Variants in SLC10A7 observed in about 807,000 individuals in gnomAD.
The protein encoded by SLC10A7 is sodium/bile acid cotransporter 7.
Under a neutral mutation model 43.2 loss-of-function variants are expected in SLC10A7, and 29 were observed. That is an observed-to-expected ratio of 0.67 (90% CI 0.50 to 0.92). The LOEUF is 0.92. Ranked by LOEUF, SLC10A7 falls within the 40% of genes least tolerant of loss-of-function variation. SLC10A7 has a pLI of 0.00. For missense variants in SLC10A7, 295 were observed against 403.2 expected, an observed-to-expected ratio of 0.73 and a Z score of 2.30; for synonymous variants, 152 against 144.8, an observed-to-expected ratio of 1.05 and a Z score of -0.35.
chr4:146,275,051 A>C (rs1389664880), intron 10 of SLC10A7, among the ~76,000 whole-genome samples: 1 of 152,184 alleles, frequency 6.6e-6, no homozygotes, highest in East Asian at 1.9e-4. Context: ...GTGACTCTAG[A>C]TGGCAATAAT....
chr4:146,456,549 TA>T (rs1732068541), intron 4 of SLC10A7, among the ~76,000 whole-genome samples: 1 of 151,904 alleles, frequency 6.6e-6, no homozygotes, highest in Admixed American at 6.6e-5. Context: ...TTCACTAGAA[TA>T]ACTCACAGAA....
In SLC10A7 at chr4:146,283,273, CA is replaced by C. The variant is rs763863216; in HGVS notation, c.774-9del. On this transcript the variant is annotated splice_polypyrimidine_tract_variant and intron_variant, in intron 9 of 11. Coordinates refer to ENST00000335472, the MANE Select transcript of SLC10A7 (RefSeq NM_001029998.6). ...GTGAAACCCGAATTATTCCTAGGGG[CA>C]AAAAAAGATTTTGACAAATACTTTT... The C allele has an allele frequency of 6.2e-7, 1 of 1,610,836 alleles. No individual in the cohort carries two copies. Among genetic ancestry groups the C allele is most frequent in the Admixed American group, 1.7e-5 (1 of 59,720 alleles).
chr4:146,274,370 G>A (rs1033800752), intron 10 of SLC10A7, among the ~76,000 whole-genome samples: 1 of 151,688 alleles, frequency 6.6e-6, no homozygotes, highest in Non-Finnish European at 1.5e-5. Context: ...CGCCTGGCTA[G>A]TTTTTGTATT....
At chr4:146,447,873 T>G (rs1731243155) in intron 4 of SLC10A7, among the ~76,000 whole-genome samples, 1 of 151,978 alleles carries the variant, frequency 6.6e-6, no homozygotes. Flanking sequence ...AATAATGAAT[T>G]AATTTCATCA....
At position 146,487,336 on chromosome 4, in the gene SLC10A7, C is replaced by A. The variant is rs184482276; in HGVS notation, c.396+16513G>T. On this transcript the variant is annotated intron_variant, in intron 4 of 11. Coordinates refer to ENST00000335472, the MANE Select transcript of SLC10A7 (RefSeq NM_001029998.6). The stretch of plus-strand genomic sequence containing the variant: ...GTTTATGTTTCTGCCAATTTCCCCC[C>A]AGTTCATTACCAACCTCTGTGAAAA... Among the ~76,000 whole-genome samples the A allele has an allele frequency of 1.4e-4, 22 of 152,332 alleles. No homozygotes were observed. In the East Asian group the frequency reaches 3.9e-3, roughly 27 times the overall value.
intron 5 of SLC10A7, among the ~76,000 whole-genome samples, chr4:146,439,917 T>C (rs1298437900): frequency 6.6e-6 from 1 of 152,178 alleles, no homozygotes; most frequent in African/African-American, 2.4e-5. Flanking sequence ...ATATAAAGTT[T>C]ACAATTTGGA....
At chr4:146,314,646 T>C (rs892576656) in intron 6 of SLC10A7, among the ~76,000 whole-genome samples, 2 of 152,124 alleles carry the variant, frequency 1.3e-5, no homozygotes, top group East Asian at 3.9e-4. Flanking sequence ...ACCATCCCCA[T>C]ATATGAAGAT....
intron 5 of SLC10A7, among the ~76,000 whole-genome samples, chr4:146,389,125 G>A (rs1331870063): frequency 6.6e-6 from 1 of 152,122 alleles, no homozygotes; most frequent in East Asian, 1.9e-4. Flanking sequence ...CTAAACAATG[G>A]ACACAGAGTG....
intron 10 of SLC10A7, among the ~76,000 whole-genome samples, chr4:146,275,997 A>G (rs1729181653): frequency 6.6e-6 from 1 of 152,114 alleles, no homozygotes; most frequent in Non-Finnish European, 1.5e-5. Flanking sequence ...TCCCAACAGT[A>G]GCTGGACACA....
intron 10 of SLC10A7, among the ~76,000 whole-genome samples, chr4:146,266,324 C>A (rs1311732723): frequency 1.3e-5 from 2 of 152,058 alleles, no homozygotes; most frequent in Non-Finnish European, 2.9e-5. Context: ...ACAGTGCAAT[C>A]CAGGAGGGAA....
chr4:146,441,888 T>C, intron 5 of SLC10A7: 2 of 982,962 alleles, frequency 2.0e-6, no homozygotes, highest in Non-Finnish European at 2.4e-6. Flanking sequence ...TTTAAATACA[T>C]ACAATAATAA....
At chr4:146,353,123 A>G (rs1219712867) in intron 5 of SLC10A7, among the ~76,000 whole-genome samples, 1 of 146,940 alleles carries the variant, frequency 6.8e-6, no homozygotes, top group Non-Finnish European at 1.5e-5. Flanking sequence ...GGATCAACAA[A>G]ATTGATAGAC....
At chr4:146,267,847 C>A (rs937744423) in intron 10 of SLC10A7, among the ~76,000 whole-genome samples, 1 of 152,106 alleles carries the variant, frequency 6.6e-6, no homozygotes, top group Non-Finnish European at 1.5e-5. Context: ...TTCCAAATTG[C>A]TAAATAGAAA....
At chr4:146,308,532 T>C (rs1258001946) in intron 6 of SLC10A7, among the ~76,000 whole-genome samples, 1 of 152,092 alleles carries the variant, frequency 6.6e-6, no homozygotes, top group Admixed American at 6.6e-5. Context: ...AATAAGCTGC[T>C]TGGGATATTT....
At chr4:146,439,469 A>T (rs1443928851) in intron 5 of SLC10A7, among the ~76,000 whole-genome samples, 5 of 152,170 alleles carry the variant, frequency 3.3e-5, no homozygotes, top group African/African-American at 1.2e-4. Context: ...ATACCACAGG[A>T]ATGGTCACTC....
chr4:146,255,427 C>T lies in SLC10A7; in HGVS notation c.*1064G>A, dbSNP rs1410525900. The T allele has an allele frequency of 1.3e-5, 2 of 152,540 alleles. No individual in the cohort carries two copies. The highest frequency in any genetic ancestry group is 2.9e-5 in the Non-Finnish European group (2 of 68,020). 9.4% of individuals were successfully genotyped at this position (152,540 alleles called of 1,614,324 possible). ...CATGACCTTTATATTTTCATTTATT[C>T]ATGAAAGCAATATGATTTAACTTCT... On this transcript the variant is annotated 3_prime_UTR_variant, in exon 12 of 12. Transcript: ENST00000335472.
At chr4:146,358,748 C>T (rs1045302228) in intron 5 of SLC10A7, among the ~76,000 whole-genome samples, 3 of 152,026 alleles carry the variant, frequency 2.0e-5, no homozygotes, top group Non-Finnish European at 2.9e-5. Flanking sequence ...GAATATCCCA[C>T]GATTTATTTA....
At chr4:146,446,519 T>C (rs1731092717) in intron 4 of SLC10A7, among the ~76,000 whole-genome samples, 1 of 148,860 alleles carries the variant, frequency 6.7e-6, no homozygotes, top group South Asian at 2.1e-4. Flanking sequence ...GAGGTTGCAG[T>C]GAGTCGAGAT....
chr4:146,344,962 C>CT (rs1479587298), intron 5 of SLC10A7, among the ~76,000 whole-genome samples: 1 of 152,076 alleles, frequency 6.6e-6, no homozygotes, highest in East Asian at 1.9e-4. Context: ...AATTTTAAGA[C>CT]TGTAAAGGAG....
Sources: allele counts gnomAD v4.1 joint callset (sites outside exome capture counted in the v4.1 genomes callset), GRCh38; gene constraint gnomAD v4.1.1; transcripts MANE v1.5; gene names NCBI Gene and HGNC (gene_info 2026-07-23, HGNC 2026-07-21).